The following UBL3 variants were observed in gnomAD, a reference collection of about 807,000 sequenced individuals.
UBL3 encodes the protein ubiquitin like 3.
UBL3 carries 6 observed loss-of-function variants against 18.4 expected under a neutral mutation model. That is an observed-to-expected ratio of 0.33 (90% CI 0.18 to 0.64). The LOEUF is 0.64. UBL3 is among the 30% of genes least tolerant of loss of function. The pLI, the probability that UBL3 is intolerant of heterozygous loss-of-function variation, is 0.76. For synonymous variants in UBL3, 49 were observed against 46.6 expected, an observed-to-expected ratio of 1.05 and a Z score of -0.21; for missense variants, 109 against 142.9, an observed-to-expected ratio of 0.76 and a Z score of 1.21.
intron 1 of UBL3, among the ~76,000 whole-genome samples, chr13:29,800,924 A>T (rs1215313654): frequency 6.6e-6 from 1 of 152,180 alleles, no homozygotes; most frequent in Non-Finnish European, 1.5e-5. Flanking sequence ...CCCACGGTGC[A>T]GCAGCCTTAT....
intron 1 of UBL3, among the ~76,000 whole-genome samples, chr13:29,837,611 C>G (rs1436478585): frequency 1.3e-5 from 2 of 152,024 alleles, no homozygotes; most frequent in African/African-American, 2.4e-5. Context: ...CCTATAATCC[C>G]AACACTTTGT....
chr13:29,819,823 G>C (rs760321484), intron 1 of UBL3, among the ~76,000 whole-genome samples: 25 of 151,494 alleles, frequency 1.7e-4, no homozygotes, highest in Non-Finnish European at 5.9e-5. Context: ...ATTCATTAAC[G>C]TCAAAGGGCT....
chr13:29,782,420 A>G (rs1467822210), intron 1 of UBL3, among the ~76,000 whole-genome samples: 2 of 152,200 alleles, frequency 1.3e-5, no homozygotes, highest in African/African-American at 4.8e-5. Flanking sequence ...TCAAAAATCA[A>G]TGGTCTAAAG....
intron 1 of UBL3, among the ~76,000 whole-genome samples, chr13:29,833,471 A>G (rs897237709): frequency 4.6e-5 from 7 of 152,012 alleles, no homozygotes; most frequent in African/African-American, 1.7e-4. Flanking sequence ...CACAAGAAAC[A>G]TAAAAATTTG....
intron 3 of UBL3, among the ~76,000 whole-genome samples, chr13:29,769,841 A>G (rs1258145835): frequency 6.6e-6 from 1 of 152,064 alleles, no homozygotes; most frequent in Non-Finnish European, 1.5e-5. Context: ...TAAGCAGAAA[A>G]TTTCAAGAAT....
chr13:29,824,514 G>T (rs1468596752), intron 1 of UBL3, among the ~76,000 whole-genome samples: 1 of 152,202 alleles, frequency 6.6e-6, no homozygotes, highest in African/African-American at 2.4e-5. Context: ...CTTCTTTTGA[G>T]AAGTGTCTGT....
At chr13:29,783,711 A>C (rs1395621791) in intron 1 of UBL3, among the ~76,000 whole-genome samples, 1 of 152,206 alleles carries the variant, frequency 6.6e-6, no homozygotes, top group East Asian at 1.9e-4. Flanking sequence ...AATATTTATT[A>C]GTGAAAGGCC....
intron 1 of UBL3, among the ~76,000 whole-genome samples, chr13:29,834,310 G>T (rs947350406): frequency 1.3e-5 from 2 of 151,826 alleles, no homozygotes; most frequent in Non-Finnish European, 2.9e-5. Context: ...AAAAAATATG[G>T]ATAACTAAAT....
At chr13:29,833,766 C>A (rs942978795) in intron 1 of UBL3, among the ~76,000 whole-genome samples, 2 of 152,118 alleles carry the variant, frequency 1.3e-5, no homozygotes, top group East Asian at 3.9e-4. Context: ...TTATTTTGTT[C>A]AATGTCTGTA....
chr13:29,777,071 A>G (rs967057936), intron 2 of UBL3, 84 bp downstream of exon 2: 1 of 1,095,380 alleles, frequency 9.1e-7, no homozygotes, highest in Admixed American at 2.6e-5. Flanking sequence ...TTTAAATGTT[A>G]TATAACAGTT....
chr13:29,819,175 A>G (rs925657070), intron 1 of UBL3, among the ~76,000 whole-genome samples: 2 of 152,224 alleles, frequency 1.3e-5, no homozygotes, highest in Admixed American at 6.5e-5. Context: ...CTACTTCTGT[A>G]TGTTTGAAAT....
intron 1 of UBL3, among the ~76,000 whole-genome samples, chr13:29,811,931 C>T (rs1039555986): frequency 6.6e-6 from 1 of 152,016 alleles, no homozygotes; most frequent in African/African-American, 2.4e-5. Flanking sequence ...TATCTTCATG[C>T]TGCCCTTTAA....
intron 1 of UBL3, among the ~76,000 whole-genome samples, chr13:29,816,844 T>C (rs945669508): frequency 3.4e-5 from 5 of 148,828 alleles, no homozygotes; most frequent in Non-Finnish European, 4.5e-5. Flanking sequence ...GTTACAAGAA[T>C]CTGTGTAATA....
chr13:29,812,691 G>T (rs1463339941), intron 1 of UBL3, among the ~76,000 whole-genome samples: 2 of 151,908 alleles, frequency 1.3e-5, no homozygotes, highest in Non-Finnish European at 2.9e-5. Context: ...TTGGAACTTG[G>T]ATATATGAAT....
chr13:29,804,496 T>A (rs1198477451), intron 1 of UBL3, among the ~76,000 whole-genome samples: 2 of 151,858 alleles, frequency 1.3e-5, no homozygotes. Context: ...TGAAGGAAAC[T>A]GAGATGTGAA....
chr13:29,832,943 C>T (rs1401986002), intron 1 of UBL3, among the ~76,000 whole-genome samples: 1 of 152,128 alleles, frequency 6.6e-6, no homozygotes, highest in Non-Finnish European at 1.5e-5. Flanking sequence ...AAGTCAAGGT[C>T]CACTTTAAGC....
intron 1 of UBL3, among the ~76,000 whole-genome samples, chr13:29,841,626 G>C (rs577514527): frequency 6.6e-6 from 1 of 152,284 alleles, no homozygotes; most frequent in Non-Finnish European, 1.5e-5. Flanking sequence ...CCTGGAGCAA[G>C]GTATTGGGAA....
intron 1 of UBL3, 98 bp downstream of exon 1, chr13:29,849,414 A>G: frequency 6.4e-7 from 1 of 1,554,026 alleles, no homozygotes; most frequent in Non-Finnish European, 8.8e-7. Context: ...GCTTTTCGAC[A>G]GTCCCCAGCA....
At chr13:29,779,994 G>T (rs1399973995) in intron 1 of UBL3, among the ~76,000 whole-genome samples, 6 of 152,130 alleles carry the variant, frequency 3.9e-5, no homozygotes, top group Non-Finnish European at 4.4e-5. Flanking sequence ...GGGAGAGCAA[G>T]AAGGCAATGG....
Sources: gnomAD v4.1 joint callset for allele counts (sites outside exome capture counted in the v4.1 genomes callset) on GRCh38, gnomAD v4.1.1 for gene constraint, MANE v1.5 for transcripts, NCBI Gene and HGNC (gene_info 2026-07-23, HGNC 2026-07-21) for gene names.